BCOR: variants seen among roughly 807,000 people sequenced by gnomAD.
BCOR encodes BCL-6 corepressor.
Under a neutral mutation model 86.7 loss-of-function variants are expected in BCOR, and 10 were observed. That is an observed-to-expected ratio of 0.12 (90% CI 0.07 to 0.20). The LOEUF (loss-of-function observed/expected upper bound fraction) is 0.20. Among genes scored for constraint, BCOR ranks in the 10% least tolerant of loss-of-function variants. The pLI is 1.00. For synonymous variants in BCOR, 611 were observed against 609.0 expected, an observed-to-expected ratio of 1.00 and a Z score of -0.05; for missense variants, 1,259 against 1,452.1, an observed-to-expected ratio of 0.87 and a Z score of 2.16.
At chrX:40,170,355 G>GTTTT (rs757220964) in intron 1 of BCOR, among the ~76,000 whole-genome samples, 11 of 101,433 alleles carry the variant, frequency 1.1e-4, no homozygotes, top group African/African-American at 3.9e-4. Context: ...TTTGGTTTTG[G>GTTTT]TTTTTTTTTT....
At chrX:40,113,926 C>G (rs1321923557) in intron 1 of BCOR, among the ~76,000 whole-genome samples, 2 of 110,133 alleles carry the variant, frequency 1.8e-5, no homozygotes, top group African/African-American at 6.6e-5. Context: ...TCAAGTGATT[C>G]TGCTGCCTTG....
intron 1 of BCOR, among the ~76,000 whole-genome samples, chrX:40,117,477 A>G (rs955626942): frequency 8.9e-6 from 1 of 112,199 alleles, no homozygotes; most frequent in Admixed American, 9.5e-5. Context: ...CTTTGTTCCA[A>G]TAATGATTTA....
chrX:40,060,691 C>G (rs1934825418), intron 10 of BCOR, among the ~76,000 whole-genome samples: 1 of 112,675 alleles, frequency 8.9e-6, no homozygotes, highest in South Asian at 3.6e-4. Context: ...ATAGGCGCCG[C>G]TGCTCTCAGC....
chrX:40,139,229 G>C (rs1937755678), intron 1 of BCOR, among the ~76,000 whole-genome samples: 1 of 101,649 alleles, frequency 9.8e-6, no homozygotes, highest in East Asian at 3.2e-4. Flanking sequence ...CCTTTGAAGG[G>C]GTTTTGAATT....
At chrX:40,098,493 C>T (rs1936999048), upstream of BCOR, among the ~76,000 whole-genome samples, 1 of 111,467 alleles carries the variant, frequency 9.0e-6, no homozygotes, top group East Asian at 2.9e-4. Context: ...GGCGGCTCTC[C>T]CAGCCGCGCG....
chrX:40,063,703 T>G lies in BCOR; in HGVS notation c.3752A>C (p.Asn1251Thr). Residue 1251 changes from asparagine to threonine, a missense_variant, in exon 8 of 15, where the codon AAC becomes ACC. Around this residue, in one of 7 missense-constraint regions of BCOR, gnomAD observed 305 missense variants for 286.1 expected, o/e 1.07. Coordinates refer to ENST00000378444, the MANE Select transcript of BCOR (RefSeq NM_001123385.2). The part of the protein sequence containing the change: ...TQPEAIPQGT[N>T]ITEEKPGRKR... ...CCTGCCAGGTTTCTCTTCAGTGATG[T>G]TAGTCCCCTGAGGAATGGCCTCAGG... The G allele has an allele frequency of 8.3e-7, 1 of 1,211,632 alleles. No individual in the cohort carries two copies. The highest frequency in any genetic ancestry group is 1.1e-6 in the Non-Finnish European group (1 of 895,268).
At chrX:40,158,318 T>TGCGCACCGGCC (rs1938340965) in intron 1 of BCOR, among the ~76,000 whole-genome samples, 1 of 111,975 alleles carries the variant, frequency 8.9e-6, no homozygotes, top group South Asian at 3.6e-4. Flanking sequence ...CGCGGGCGGC[T>TGCGCACCGGCC]GCGCACCGGC....
intron 1 of BCOR, among the ~76,000 whole-genome samples, chrX:40,142,736 C>A (rs1251940725): frequency 1.8e-5 from 2 of 111,682 alleles, no homozygotes; most frequent in Non-Finnish European, 3.8e-5. Flanking sequence ...TATGTGTGGG[C>A]TATGGATTTT....
chrX:40,057,778 G>A (rs1330764571), intron 10 of BCOR, among the ~76,000 whole-genome samples: 1 of 112,079 alleles, frequency 8.9e-6, no homozygotes, highest in Non-Finnish European at 1.9e-5. Flanking sequence ...AGTGGATGAC[G>A]ACACAAGTTT....
intron 1 of BCOR, among the ~76,000 whole-genome samples, chrX:40,085,583 G>A (rs995600536): frequency 6.3e-5 from 7 of 111,331 alleles, no homozygotes; most frequent in Non-Finnish European, 1.1e-4. Context: ...TTAGGGAGGG[G>A]AGGTGCTGAG....
intron 1 of BCOR, among the ~76,000 whole-genome samples, chrX:40,164,835 C>G (rs1056536581): frequency 8.9e-6 from 1 of 112,550 alleles, no homozygotes; most frequent in Non-Finnish European, 1.9e-5. Context: ...ATTCTGACCC[C>G]GACTACCAGA....
Position 40,073,684 on chromosome X carries a change from GATGACAGCATCGGTGCCGCCC to G in BCOR, c.1641_1661del (p.Met547_Val553del), listed in dbSNP as rs1448538589. The G allele has an allele frequency of 8.2e-7, 1 of 1,212,662 alleles. No individual in the cohort carries two copies. Among genetic ancestry groups the G allele is most frequent in the East Asian group, 3.0e-5 (1 of 33,881 alleles). ...TCGACACTGACCCTGAAACGTTAGT[GATGACAGCATCGGTGCCGCCC>G]ATGCGCGGGCATGATGAACTCCGCT... On this transcript the variant is annotated inframe_deletion, in exon 4 of 15. Transcript: ENST00000378444.
chrX:40,121,613 A>G, intron 1 of BCOR, among the ~76,000 whole-genome samples: 1 of 113,323 alleles, frequency 8.8e-6, no homozygotes, highest in East Asian at 2.8e-4. Context: ...AGAGCAAATA[A>G]GGTAACTTTA....
At chrX:40,113,954 G>A (rs1937354413) in intron 1 of BCOR, among the ~76,000 whole-genome samples, 1 of 110,696 alleles carries the variant, frequency 9.0e-6, no homozygotes, top group Admixed American at 9.6e-5. Context: ...GAGTAGCTGG[G>A]ATTACAGGTG....
intron 8 of BCOR, 46 bp downstream of exon 8, chrX:40,063,562 A>C: frequency 1.8e-6 from 2 of 1,090,472 alleles, no homozygotes; most frequent in Non-Finnish European, 2.5e-6. Flanking sequence ...TGGATGACCC[A>C]CCCTCCAGGA....
At chrX:40,068,225 A>G (rs1372827617) in intron 6 of BCOR, 1 of 112,088 alleles carries the variant, frequency 8.9e-6, no homozygotes, top group Non-Finnish European at 1.9e-5. Flanking sequence ...CACTGTTATA[A>G]CCACGCCCAG....
chrX:40,133,628 T>A (rs983015414), intron 1 of BCOR, among the ~76,000 whole-genome samples: 108 of 107,909 alleles, frequency 1.0e-3, no homozygotes, highest in Non-Finnish European at 1.7e-3. Context: ...CCCGGCTAAT[T>A]TTTTTGTATT....
At chrX:40,168,906 C>A in intron 1 of BCOR, among the ~76,000 whole-genome samples, 1 of 112,885 alleles carries the variant, frequency 8.9e-6, no homozygotes, top group East Asian at 2.8e-4. Context: ...GCGCTTCGTG[C>A]CTCCTGGCCT....
intron 1 of BCOR, among the ~76,000 whole-genome samples, chrX:40,176,224 G>A (rs1206434784): frequency 8.9e-6 from 1 of 112,388 alleles, no homozygotes; most frequent in African/African-American, 3.2e-5. Flanking sequence ...CACAGTCCTG[G>A]GGAGCCCCCA....
Sources: gnomAD v4.1 joint callset for allele counts (sites outside exome capture counted in the v4.1 genomes callset) on GRCh38, gnomAD v4.1.1 for gene constraint, gnomAD v4.1.1 regional missense constraint, MANE v1.5 for transcripts, NCBI Gene and HGNC (gene_info 2026-07-23, HGNC 2026-07-21) for gene names.